FREM1: variants seen among roughly 807,000 people sequenced by gnomAD.
The protein encoded by FREM1 is FRAS1 related extracellular matrix 1.
Under a neutral mutation model 210.1 loss-of-function variants are expected in FREM1, and 220 were observed. The observed-to-expected ratio is 1.05, with a 90% CI of 0.94 to 1.17. The LOEUF is 1.17. Among genes scored for constraint, FREM1 ranks in the 50% most tolerant of loss-of-function variants. The probability of loss-of-function intolerance (pLI) is 0.00; values close to 1 mark genes in which losing one functional copy is unlikely to be tolerated. For missense variants in FREM1, 3,454 were observed against 2,675.5 expected (o/e 1.29, Z -6.42); for synonymous variants, 1,189 against 980.2 (o/e 1.21, Z -3.98).
At chr9:14,826,137 G>A (rs1410533426) in intron 10 of FREM1, among the ~76,000 whole-genome samples, 1 of 133,218 alleles carries the variant, frequency 7.5e-6, no homozygotes, top group African/African-American at 2.9e-5. Context: ...CTGTCACACA[G>A]GCTGGAGTGC....
chr9:14,788,920 T>C lies in FREM1; in HGVS notation c.4176A>G (p.Lys1392=). Residue 1392 remains lysine, a splice_region_variant and synonymous_variant, in exon 23 of 37, where the codon AAA becomes AAG. Coordinates refer to ENST00000380880, the MANE Select transcript of FREM1 (RefSeq NM_001379081.2). ...DCQITIKDME[K]GDIVILTKPL... is the part of the protein sequence containing the mutation. The stretch of plus-strand genomic sequence containing the variant: ...AAACCTTGGTAGACGTGCTTTTACC[T>C]TTTTCCATGTCCTTGATGGTGATTT... 1 of 1,603,238 alleles carries C rather than the reference T, an allele frequency of 6.2e-7. No individual in the cohort carries two copies. Among genetic ancestry groups the C allele is most frequent in the Non-Finnish European group, 8.5e-7 (1 of 1,173,714 alleles).
chr9:14,851,262 A>AACT, intron 6 of FREM1, 22 bp downstream of exon 6: 1 of 1,534,638 alleles, frequency 6.5e-7, no homozygotes, highest in East Asian at 2.3e-5. Flanking sequence ...ACTAGGCTGG[A>AACT]AGCTTTGTCT....
chr9:14,850,398 G>T, intron 6 of FREM1: 1 of 149,042 alleles, frequency 6.7e-6, no homozygotes, highest in East Asian at 1.9e-4. Context: ...CAAAAAAAAA[G>T]AATAAAAGAA....
At chr9:14,897,503 C>A (rs994003264) in intron 1 of FREM1, among the ~76,000 whole-genome samples, 1 of 151,070 alleles carries the variant, frequency 6.6e-6, no homozygotes, top group Non-Finnish European at 1.5e-5. Context: ...GAATGTAAAG[C>A]ATAGTATCAT....
At chr9:14,746,592 G>T in intron 34 of FREM1, 124 bp from the exon 35 acceptor site, 2 of 716,886 alleles carry the variant, frequency 2.8e-6, no homozygotes, top group East Asian at 2.6e-5. Context: ...AAGGGAGTCA[G>T]CCCTAATCCC....
At chr9:14,908,292 C>G (rs1328001121) in intron 1 of FREM1, among the ~76,000 whole-genome samples, 1 of 152,176 alleles carries the variant, frequency 6.6e-6, no homozygotes, top group African/African-American at 2.4e-5. Context: ...GGCTCCTGAA[C>G]CATTCCATGA....
chr9:14,827,756 G>C (rs1238511992), intron 10 of FREM1, among the ~76,000 whole-genome samples: 1 of 152,182 alleles, frequency 6.6e-6, no homozygotes, highest in South Asian at 2.1e-4. Flanking sequence ...AGGGCCTTGA[G>C]GACAGAATGG....
At chr9:14,819,506 A>C in intron 13 of FREM1, 64 bp from the exon 14 acceptor site, 5 of 923,908 alleles carry the variant, frequency 5.4e-6, no homozygotes, top group Non-Finnish European at 6.7e-6. Flanking sequence ...GACAGAGCTC[A>C]TTACATCACT....
intron 25 of FREM1, among the ~76,000 whole-genome samples, chr9:14,775,274 C>A (rs1156462211): frequency 6.6e-6 from 1 of 152,152 alleles, no homozygotes; most frequent in African/African-American, 2.4e-5. Flanking sequence ...GGCTTTTGCT[C>A]CTTTCTGTGC....
intron 3 of FREM1, among the ~76,000 whole-genome samples, chr9:14,860,844 CATATATACGTATATATACACAT>C (rs1564102429): frequency 7.5e-5 from 7 of 93,584 alleles, no homozygotes; most frequent in Non-Finnish European, 1.1e-4. Context: ...CGTATATATA[CATATATACGTATATATACACAT>C]ATATATACGT....
intron 19 of FREM1, among the ~76,000 whole-genome samples, chr9:14,802,147 T>C (rs548681585): frequency 6.6e-5 from 10 of 152,200 alleles, no homozygotes; most frequent in Non-Finnish European, 1.2e-4. Context: ...AAAATATGTA[T>C]TGTTCATAAG....
intron 10 of FREM1, among the ~76,000 whole-genome samples, chr9:14,825,547 G>GTGTATATATA: frequency 7.9e-5 from 6 of 75,908 alleles, no homozygotes; most frequent in Admixed American, 1.5e-4. Flanking sequence ...GTGTGTGTGT[G>GTGTATATATA]TATATATATA....
rs780164444 is a variant in FREM1, at chr9:14,797,600, G to A, written c.3737C>T (p.Ala1246Val). The A allele has an allele frequency of 1.7e-5, 28 of 1,611,610 alleles. No homozygotes were observed. The highest frequency in any genetic ancestry group is 1.7e-4 in the Admixed American group (10 of 59,884). ...TYMHDDSESLADDFTIQLSDG... is the reference protein window; with the variant it reads ...TYMHDDSESLVDDFTIQLSDG... ...TGACAATTGGATTGTAAAATCATCA[G>A]CAAGGCTCTCTGAGTCATCATGCAT... The change falls in exon 21 of 37, where the codon GCT becomes GTT. Residue 1246 changes from alanine (A) to valine (V), a missense_variant. Ala to Val is a moderately conservative substitution (Grantham distance 64). Transcript: ENST00000380880.
intron 23 of FREM1, among the ~76,000 whole-genome samples, chr9:14,785,380 T>C (rs1850255648): frequency 6.6e-6 from 1 of 152,244 alleles, no homozygotes; most frequent in Non-Finnish European, 1.5e-5. Context: ...TGGTATTTTT[T>C]TCTGGAGAAC....
intron 3 of FREM1, among the ~76,000 whole-genome samples, chr9:14,862,330 A>G (rs974507065): frequency 2.0e-5 from 3 of 152,204 alleles, no homozygotes; most frequent in Non-Finnish European, 4.4e-5. Flanking sequence ...CTTTTACATT[A>G]GTCTAATGCT....
chr9:14,737,795 T>C (rs773988279), intron 36 of FREM1, among the ~76,000 whole-genome samples, 200 bp from the exon 37 acceptor site: 1 of 152,190 alleles, frequency 6.6e-6, no homozygotes, highest in Non-Finnish European at 1.5e-5. Flanking sequence ...ACTTACTTGC[T>C]AGATGAGCAT....
Position 14,784,628 on chromosome 9 carries a change from A to G in FREM1, c.4184T>C (p.Ile1395Thr), listed in dbSNP as rs1850127037. Residue 1395 changes from isoleucine to threonine, a missense_variant, in exon 24 of 37, where the codon ATT becomes ACT. Transcript: ENST00000380880. Reference protein sequence around the residue: ...ITIKDMEKGDIVILTKPLVVS... With the variant: ...ITIKDMEKGDTVILTKPLVVS... ...CACGAGTGGTTTTGTAAGGATGACAATATCACCTACATGACATAAGAGGTT... is the reference window on the plus strand; with the variant it reads ...CACGAGTGGTTTTGTAAGGATGACAGTATCACCTACATGACATAAGAGGTT... 6.4e-7 allele frequency: 1 copy of G among 1,573,090 alleles called. No homozygotes were observed. The highest frequency in any genetic ancestry group is 8.6e-7 in the Non-Finnish European group (1 of 1,156,872).
At chr9:14,834,133 G>A (rs1824092588) in intron 10 of FREM1, among the ~76,000 whole-genome samples, 1 of 152,186 alleles carries the variant, frequency 6.6e-6, no homozygotes, top group Non-Finnish European at 1.5e-5. Flanking sequence ...TACACTGTAA[G>A]AGATGGCTAA....
intron 26 of FREM1, 89 bp downstream of exon 26, chr9:14,770,516 T>C (rs1587846406): frequency 4.3e-6 from 4 of 919,936 alleles, no homozygotes; most frequent in South Asian, 1.4e-5. Flanking sequence ...GTTTACCAAA[T>C]GGGCCTGCAC....
Sources: allele counts gnomAD v4.1 joint callset (sites outside exome capture counted in the v4.1 genomes callset), GRCh38; gene constraint gnomAD v4.1.1; transcripts MANE v1.5; gene names NCBI Gene and HGNC (gene_info 2026-07-23, HGNC 2026-07-21).